The following DNAH11 variants were observed in gnomAD, a reference collection of about 807,000 sequenced individuals.
The protein encoded by DNAH11 is axonemal beta dynein heavy chain 11.
In DNAH11, 442 loss-of-function variants were observed where a neutral mutation model predicts 526.0. The observed-to-expected ratio is 0.84, with a 90% CI of 0.78 to 0.91. The LOEUF (loss-of-function observed/expected upper bound fraction) is 0.91. Ranked by LOEUF, DNAH11 falls within the 40% of genes least tolerant of loss-of-function variation. The pLI is 0.00. For synonymous variants in DNAH11, 2,461 were observed against 1,935.9 expected (o/e 1.27, Z -7.12); for missense variants, 6,989 against 5,448.7 (o/e 1.28, Z -8.90).
chr7:21,736,444 G>C (rs1785616408), intron 46 of DNAH11, among the ~76,000 whole-genome samples: 1 of 152,138 alleles, frequency 6.6e-6, no homozygotes, highest in African/African-American at 2.4e-5. Flanking sequence ...TCTCCAGCAG[G>C]GAAAGGGGGC....
chr7:21,682,153 C>T (rs1285560323), intron 31 of DNAH11, among the ~76,000 whole-genome samples: 1 of 152,152 alleles, frequency 6.6e-6, no homozygotes, highest in Non-Finnish European at 1.5e-5. Flanking sequence ...TTTGTCTCTT[C>T]CTTGAACAAC....
intron 61 of DNAH11, among the ~76,000 whole-genome samples, chr7:21,798,890 A>C (rs1253646033): frequency 1.3e-5 from 2 of 152,122 alleles, no homozygotes; most frequent in African/African-American, 4.8e-5. Flanking sequence ...AAATTATGCT[A>C]ATACATGGTG....
At chr7:21,819,725 A>AT (rs1479750435) in intron 65 of DNAH11, among the ~76,000 whole-genome samples, 1 of 152,208 alleles carries the variant, frequency 6.6e-6, no homozygotes, top group Non-Finnish European at 1.5e-5. Context: ...AGGCTGATAA[A>AT]TTTGAGTCAT....
At chr7:21,696,383 A>G (rs1330888636) in intron 35 of DNAH11, among the ~76,000 whole-genome samples, 20 of 152,198 alleles carry the variant, frequency 1.3e-4, no homozygotes, top group Admixed American at 1.3e-3. Context: ...ATAGTTAATC[A>G]ATTGTGCTAA....
intron 61 of DNAH11, among the ~76,000 whole-genome samples, chr7:21,799,512 A>G (rs1788873556): frequency 6.6e-6 from 1 of 151,590 alleles, no homozygotes; most frequent in Non-Finnish European, 1.5e-5. Context: ...TAATTTTTGT[A>G]TTTTTAGTAG....
Position 21,751,306 on chromosome 7 carries a change from A to G in DNAH11, c.8940+942A>G, listed in dbSNP as rs1334937641. 2.6e-5 allele frequency among the ~76,000 whole-genome samples: 4 copies of G among 152,208 alleles called. 1 individual carries two copies. The South Asian group carries it at 6.2e-4, about 24-fold the overall frequency. On this transcript the variant is annotated intron_variant, in intron 54 of 81. Coordinates refer to ENST00000409508, the MANE Select transcript of DNAH11 (RefSeq NM_001277115.2). Reference sequence around the variant, plus strand: ...GCCATTGTACTCCAGCCTGGGTGACAGAGTGACACTCTGTCTCAAAAAACA... The same window carrying G: ...GCCATTGTACTCCAGCCTGGGTGACGGAGTGACACTCTGTCTCAAAAAACA...
chr7:21,548,628 T>G (rs774112145), intron 2 of DNAH11, among the ~76,000 whole-genome samples: 4 of 152,136 alleles, frequency 2.6e-5, no homozygotes, highest in Non-Finnish European at 4.4e-5. Flanking sequence ...AACTGGAAGG[T>G]AACAGGTTAC....
chr7:21,804,971 C>T (rs374203203), intron 62 of DNAH11, among the ~76,000 whole-genome samples: 4 of 152,310 alleles, frequency 2.6e-5, no homozygotes, highest in African/African-American at 2.4e-5. Flanking sequence ...CTCTCTTGCC[C>T]CATCTTCACT....
intron 76 of DNAH11, among the ~76,000 whole-genome samples, chr7:21,888,206 T>A (rs1344674666): frequency 6.6e-6 from 1 of 152,170 alleles, no homozygotes; most frequent in Non-Finnish European, 1.5e-5. Context: ...CAATCTTGAG[T>A]AATGTCTAAA....
In DNAH11 at chr7:21,622,492, A is replaced by G. The variant is rs1419550131; in HGVS notation, c.4500+2414A>G. On this transcript the variant is annotated intron_variant, in intron 25 of 81. Transcript: ENST00000409508. ...TACTTTAAAGTTCATATGGCACCAA[A>G]AAAGACCCCGCATTGCCAAGTCAAT... Among the ~76,000 whole-genome samples, 6 of 152,176 alleles carry G rather than the reference A, an allele frequency of 3.9e-5. No homozygotes were observed. In the East Asian group the frequency reaches 9.6e-4, roughly 24 times the overall value.
intron 43 of DNAH11, among the ~76,000 whole-genome samples, chr7:21,719,112 T>C (rs976205258): frequency 1.3e-5 from 2 of 152,186 alleles, no homozygotes; most frequent in Non-Finnish European, 2.9e-5. Context: ...AATAGGTCAG[T>C]AGGAATTAAT....
intron 43 of DNAH11, among the ~76,000 whole-genome samples, chr7:21,718,769 C>T (rs780344354): frequency 1.3e-5 from 2 of 152,124 alleles, no homozygotes; most frequent in Non-Finnish European, 2.9e-5. Context: ...TTTCTAAGTA[C>T]TTTGTTACCA....
chr7:21,665,969 T>A (rs997437759), intron 30 of DNAH11, among the ~76,000 whole-genome samples: 10 of 152,200 alleles, frequency 6.6e-5, no homozygotes, highest in African/African-American at 7.2e-5. Context: ...TCTGCTGGAG[T>A]GTGCTTTTAA....
At chr7:21,602,103 G>A (rs1443819184) in intron 18 of DNAH11, among the ~76,000 whole-genome samples, 1 of 152,026 alleles carries the variant, frequency 6.6e-6, no homozygotes, top group Admixed American at 6.6e-5. Context: ...ACTGTGAGAG[G>A]CTGAGGCAGG....
In DNAH11 at chr7:21,892,381, C is replaced by T; in HGVS notation, c.12508-44C>T. On this transcript the variant is annotated intron_variant, in intron 76 of 81. Transcript: ENST00000409508. Reference sequence around the variant, plus strand: ...AGTGTTGAGGAAGTGAAAATGGATGCCTACCTACATTTGGAATAACTGACT... The same window carrying T: ...AGTGTTGAGGAAGTGAAAATGGATGTCTACCTACATTTGGAATAACTGACT... The T allele has an allele frequency of 4.4e-6, 7 of 1,573,104 alleles. No homozygotes were observed. The South Asian group carries it at 8.3e-5, about 19-fold the overall frequency.
chr7:21,687,081 G>C lies in DNAH11; in HGVS notation c.5622-18G>C. On this transcript the variant is annotated intron_variant, in intron 32 of 81. Coordinates refer to ENST00000409508, the MANE Select transcript of DNAH11 (RefSeq NM_001277115.2). Reference sequence around the variant, plus strand: ...TCTCATATTAGACTGTGATGTTTGTGTTTTCTATTGCTTAAAGGTGTTATA... The same window carrying C: ...TCTCATATTAGACTGTGATGTTTGTCTTTTCTATTGCTTAAAGGTGTTATA... The C allele has an allele frequency of 1.3e-6, 2 of 1,598,662 alleles. No individual in the cohort carries two copies. The highest frequency in any genetic ancestry group is 1.7e-6 in the Non-Finnish European group (2 of 1,173,910).
At chr7:21,717,674 G>C in intron 42 of DNAH11, 101 bp from the exon 43 acceptor site, 1 of 1,387,180 alleles carries the variant, frequency 7.2e-7, no homozygotes, top group Non-Finnish European at 9.9e-7. Flanking sequence ...TGTCCTTGAA[G>C]TGTTGCACCA....
chr7:21,871,124 C>T (rs914463352), intron 73 of DNAH11, among the ~76,000 whole-genome samples: 4 of 152,100 alleles, frequency 2.6e-5, no homozygotes, highest in Non-Finnish European at 5.9e-5. Flanking sequence ...TAGATAGAGC[C>T]CTCTAAAGGT....
chr7:21,625,671 ATTCCG>A (rs1288272197), intron 25 of DNAH11, among the ~76,000 whole-genome samples: 1 of 152,062 alleles, frequency 6.6e-6, no homozygotes, highest in Non-Finnish European at 1.5e-5. Context: ...GTTTTGCTGC[ATTCCG>A]TAAGTTTTAG....
Sources: allele counts gnomAD v4.1 joint callset (sites outside exome capture counted in the v4.1 genomes callset), GRCh38; gene constraint gnomAD v4.1.1; transcripts MANE v1.5; gene names NCBI Gene and HGNC (gene_info 2026-07-23, HGNC 2026-07-21).